FRMD4B: variants seen among roughly 807,000 people sequenced by gnomAD.
The protein encoded by FRMD4B is FERM domain containing 4B, also known as FERM domain-containing protein 4B.
In FRMD4B, 74 loss-of-function variants were observed where a neutral mutation model predicts 141.5. The observed-to-expected ratio is 0.52, with a 90% confidence interval of 0.43 to 0.63. FRMD4B has a LOEUF of 0.63. FRMD4B is among the 30% of genes least tolerant of loss of function. The pLI is 0.00. For missense variants in FRMD4B, 1,366 were observed against 1,253.4 expected, an observed-to-expected ratio of 1.09 and a Z score of -1.36; for synonymous variants, 506 against 467.9, an observed-to-expected ratio of 1.08 and a Z score of -1.05.
chr3:69,381,148 C>G (rs542603359), intron 1 of FRMD4B, among the ~76,000 whole-genome samples: 2 of 152,258 alleles, frequency 1.3e-5, no homozygotes, highest in African/African-American at 4.8e-5. Context: ...GCAGCCTGAG[C>G]CTGCTTTTTA....
chr3:69,422,821 C>T (rs1705004812), intron 2 of FRMD4B, among the ~76,000 whole-genome samples: 1 of 152,080 alleles, frequency 6.6e-6, no homozygotes, highest in Non-Finnish European at 1.5e-5. Flanking sequence ...ACATTCTTAG[C>T]TCAGGACGGT....
intron 1 of FRMD4B, among the ~76,000 whole-genome samples, chr3:69,493,975 C>T (rs535302160): frequency 1.3e-5 from 2 of 152,192 alleles, no homozygotes; most frequent in Non-Finnish European, 2.9e-5. Context: ...CTCTTGGCCT[C>T]AAGCCATCCT....
At chr3:69,277,502 T>G (rs1378671622) in intron 5 of FRMD4B, among the ~76,000 whole-genome samples, 1 of 150,096 alleles carries the variant, frequency 6.7e-6, no homozygotes, top group East Asian at 2.0e-4. Context: ...CAGCATTTTC[T>G]TGCTTTCTTT....
chr3:69,210,669 T>C (rs1248543946), intron 11 of FRMD4B, among the ~76,000 whole-genome samples: 2 of 152,174 alleles, frequency 1.3e-5, no homozygotes, highest in Non-Finnish European at 2.9e-5. Flanking sequence ...GCATGATGCT[T>C]AATGAATTAG....
chr3:69,488,196 C>A (rs1237832790), intron 1 of FRMD4B, among the ~76,000 whole-genome samples: 6 of 152,162 alleles, frequency 3.9e-5, no homozygotes, highest in Non-Finnish European at 7.4e-5. Context: ...TGTTAAGGAT[C>A]TGAGAATTGC....
At chr3:69,430,226 A>C (rs572777902) in intron 2 of FRMD4B, among the ~76,000 whole-genome samples, 1 of 152,234 alleles carries the variant, frequency 6.6e-6, no homozygotes, top group East Asian at 1.9e-4. Context: ...AGTGGTTGGC[A>C]ACTGACCAGT....
rs147072724 is a variant in FRMD4B, at chr3:69,405,249, T to G, written c.-1+27385A>C. Among the ~76,000 whole-genome samples the G allele has an allele frequency of 8.3e-4, 126 of 152,372 alleles. 1 individual carries two copies. In the East Asian group the frequency reaches 0.015, roughly 19 times the overall value. On this transcript the variant is annotated intron_variant, in intron 2 of 5. Coordinates refer to the FRMD4B transcript ENST00000459638. The stretch of plus-strand genomic sequence containing the variant: ...GTGTCATTCATTCTGTTGAGTGTGC[T>G]ATCACAAAAGGGTATAAAACCACAA...
At chr3:69,310,765 A>G (rs1012281794) in intron 3 of FRMD4B, among the ~76,000 whole-genome samples, 1 of 152,204 alleles carries the variant, frequency 6.6e-6, no homozygotes, top group African/African-American at 2.4e-5. Context: ...GTGAAAAAAA[A>G]AAGAAAAAGA....
intron 4 of FRMD4B, 43 bp downstream of exon 4, chr3:69,302,300 C>T (rs759730134): frequency 9.6e-7 from 1 of 1,037,466 alleles, no homozygotes; most frequent in African/African-American, 1.6e-5. Context: ...CCAAAAATAA[C>T]AGCAAAAAAA....
chr3:69,286,030 T>C (rs1196216470), intron 5 of FRMD4B, among the ~76,000 whole-genome samples: 3 of 152,122 alleles, frequency 2.0e-5, no homozygotes, highest in Non-Finnish European at 4.4e-5. Flanking sequence ...AGAGAAAAAC[T>C]GCCAACAAGA....
chr3:69,411,657 AG>A (rs1704763360), intron 2 of FRMD4B, among the ~76,000 whole-genome samples: 1 of 152,234 alleles, frequency 6.6e-6, no homozygotes, highest in Non-Finnish European at 1.5e-5. Flanking sequence ...TCTCCTGTCT[AG>A]GGAAACTTTT....
intron 5 of FRMD4B, among the ~76,000 whole-genome samples, chr3:69,263,720 C>A (rs1183911061): frequency 2.0e-5 from 3 of 149,470 alleles, no homozygotes; most frequent in Non-Finnish European, 3.0e-5. Flanking sequence ...CCTATATGCA[C>A]TTTTTAATAT....
At chr3:69,451,466 G>A (rs566972500) in intron 1 of FRMD4B, among the ~76,000 whole-genome samples, 2 of 152,300 alleles carry the variant, frequency 1.3e-5, no homozygotes, top group Admixed American at 6.5e-5. Context: ...GGTGGAAACA[G>A]CACGGTGGTA....
At chr3:69,227,113 G>T (rs916302512) in intron 7 of FRMD4B, among the ~76,000 whole-genome samples, 4 of 152,052 alleles carry the variant, frequency 2.6e-5, no homozygotes, top group African/African-American at 9.7e-5. Context: ...TTTTCCCAGC[G>T]ATTTTCAAGA....
intron 1 of FRMD4B, among the ~76,000 whole-genome samples, chr3:69,456,321 G>C (rs1705613115): frequency 6.6e-6 from 1 of 152,186 alleles, no homozygotes; most frequent in Non-Finnish European, 1.5e-5. Context: ...GTTTGATCAT[G>C]CTTAGCAAAA....
chr3:69,252,266 A>C (rs1189581884), intron 5 of FRMD4B, among the ~76,000 whole-genome samples: 3 of 152,220 alleles, frequency 2.0e-5, no homozygotes, highest in Non-Finnish European at 4.4e-5. Flanking sequence ...TGCTGAAATG[A>C]GGAACTGAGC....
chr3:69,298,680 C>G (rs528640765), intron 4 of FRMD4B, among the ~76,000 whole-genome samples: 7 of 152,324 alleles, frequency 4.6e-5, no homozygotes, highest in Admixed American at 2.6e-4. Context: ...AAGAAACTTC[C>G]TCAGAAATGG....
At chr3:69,472,523 T>C in intron 1 of FRMD4B, 1 of 284,318 alleles carries the variant, frequency 3.5e-6, no homozygotes, top group Non-Finnish European at 7.1e-6. Context: ...CATTCAAAAC[T>C]GATGCCCTTT....
chr3:69,519,112 T>A (rs1410073842), intron 1 of FRMD4B, among the ~76,000 whole-genome samples: 5 of 152,192 alleles, frequency 3.3e-5, no homozygotes, highest in Admixed American at 3.3e-4. Flanking sequence ...CATTTCTTTG[T>A]TTGTTTTTAA....
Sources: allele counts gnomAD v4.1 joint callset (sites outside exome capture counted in the v4.1 genomes callset), GRCh38; gene constraint gnomAD v4.1.1; transcripts MANE v1.5; gene names NCBI Gene and HGNC (gene_info 2026-07-23, HGNC 2026-07-21).